Variants in MICU3 observed in about 807,000 individuals in gnomAD.
MICU3 encodes calcium uptake protein 3, mitochondrial.
MICU3 carries 62 observed loss-of-function variants against 66.5 expected under a neutral mutation model. The observed-to-expected ratio is 0.93, with a 90% CI of 0.76 to 1.15. The LOEUF is 1.15. Among genes scored for constraint, MICU3 ranks in the 50% most tolerant of loss-of-function variants. MICU3 has a pLI of 0.00. For synonymous variants in MICU3, 308 were observed against 240.7 expected (o/e 1.28, Z -2.59); for missense variants, 779 against 664.4 (o/e 1.17, Z -1.90).
chr8:17,118,910 G>A (rs1357095000), intron 14 of MICU3, 135 bp downstream of exon 14: 1 of 526,598 alleles, frequency 1.9e-6, no homozygotes, highest in South Asian at 4.2e-5. Context: ...AGTCATTAGA[G>A]TATCTTGATT....
chr8:17,128,620 C>T, the MICU3 span, among the ~76,000 whole-genome samples: 1 of 152,146 alleles, frequency 6.6e-6, no homozygotes, highest in Non-Finnish European at 1.5e-5. Flanking sequence ...CTACCATAAA[C>T]AACTACGACA....
the MICU3 span, chr8:17,133,054 C>T: frequency 6.6e-6 from 1 of 152,164 alleles, no homozygotes; most frequent in South Asian, 2.1e-4. Flanking sequence ...TCTGGGACTT[C>T]CCAGCATCTA....
At chr8:17,049,234 G>A (rs1375883889) in intron 1 of MICU3, among the ~76,000 whole-genome samples, 3 of 152,172 alleles carry the variant, frequency 2.0e-5, no homozygotes, top group African/African-American at 7.2e-5. Context: ...CGAGGGAAGG[G>A]TGGTAGAGCA....
At chr8:17,104,639 A>C in intron 10 of MICU3, 148 bp downstream of exon 10, 1 of 411,604 alleles carries the variant, frequency 2.4e-6, no homozygotes, top group East Asian at 3.6e-5. Context: ...CACATTTATC[A>C]GTACCTACAT....
chr8:17,050,254 T>A (rs893253354), intron 1 of MICU3, among the ~76,000 whole-genome samples: 1 of 152,118 alleles, frequency 6.6e-6, no homozygotes, highest in Non-Finnish European at 1.5e-5. Context: ...ACAAGTGCTG[T>A]ATCCCTGAAC....
intron 9 of MICU3, among the ~76,000 whole-genome samples, chr8:17,104,165 T>G (rs1801521921): frequency 6.6e-6 from 1 of 151,920 alleles, no homozygotes; most frequent in Admixed American, 6.6e-5. Context: ...CTTCAAAAAT[T>G]TTTGAGTACA....
In MICU3 at chr8:17,045,453, T is replaced by A. The variant is rs1455593012; in HGVS notation, c.381+17793T>A. Among the ~76,000 whole-genome samples, 7 of 152,164 alleles carry A rather than the reference T, an allele frequency of 4.6e-5. No individual in the cohort carries two copies. The East Asian group carries it at 1.4e-3, about 29-fold the overall frequency. On this transcript the variant is annotated intron_variant, in intron 1 of 14. Coordinates refer to ENST00000318063, the MANE Select transcript of MICU3 (RefSeq NM_181723.3). ...TCATATCTTTTTTATCCAGTCACATTTCAACATGGTTTTCCATGTTTTAGT... is the reference window on the plus strand; with the variant it reads ...TCATATCTTTTTTATCCAGTCACATATCAACATGGTTTTCCATGTTTTAGT...
chr8:17,040,084 T>A (rs555166893), intron 1 of MICU3, among the ~76,000 whole-genome samples: 1 of 152,090 alleles, frequency 6.6e-6, no homozygotes, highest in Non-Finnish European at 1.5e-5. Flanking sequence ...ATTTTTGTAT[T>A]TTTAGTAGAG....
chr8:17,037,132 C>T (rs937649272), intron 1 of MICU3, among the ~76,000 whole-genome samples: 5 of 152,202 alleles, frequency 3.3e-5, no homozygotes, highest in East Asian at 1.9e-4. Context: ...GCCAAGCCCA[C>T]GCCCACCTGG....
At chr8:17,097,201 T>A (rs920785467) in intron 8 of MICU3, among the ~76,000 whole-genome samples, 3 of 151,778 alleles carry the variant, frequency 2.0e-5, no homozygotes, top group Non-Finnish European at 4.4e-5. Flanking sequence ...TATTTTCAGA[T>A]CAATCATTTG....
chr8:17,117,381 T>C (rs1425545787), intron 13 of MICU3, among the ~76,000 whole-genome samples: 1 of 152,186 alleles, frequency 6.6e-6, no homozygotes, highest in Non-Finnish European at 1.5e-5. Context: ...GTTAAAAATT[T>C]TTTTATCGAA....
Position 17,114,129 on chromosome 8 carries a change from T to C in MICU3, c.1294T>C (p.Phe432Leu). The C allele has an allele frequency of 6.2e-7, 1 of 1,612,674 alleles. No homozygotes were observed. The highest frequency in any genetic ancestry group is 2.2e-5 in the East Asian group (1 of 44,806). The change falls in exon 12 of 15, where the codon TTT becomes CTT. Residue 432 changes from phenylalanine (F) to leucine (L), a missense_variant. Phe to Leu is a conservative substitution (Grantham distance 22, BLOSUM62 0). Coordinates refer to ENST00000318063, the MANE Select transcript of MICU3 (RefSeq NM_181723.3). ...TFDEFRSFFQ[F>L]LNNLEDFAIA... ...TGATGAATTCAGGTCATTTTTCCAGTTTTTAAACAACCTAGAAGACTTTGC... is the reference window on the plus strand; with the variant it reads ...TGATGAATTCAGGTCATTTTTCCAGCTTTTAAACAACCTAGAAGACTTTGC...
At chr8:17,087,933 T>G (rs1318881767) in intron 7 of MICU3, among the ~76,000 whole-genome samples, 3 of 152,062 alleles carry the variant, frequency 2.0e-5, no homozygotes, top group Admixed American at 2.0e-4. Flanking sequence ...TTGATGGCCC[T>G]GTGCAGTAGT....
chr8:17,039,076 C>T (rs1166911854), intron 1 of MICU3, among the ~76,000 whole-genome samples: 1 of 152,160 alleles, frequency 6.6e-6, no homozygotes, highest in Non-Finnish European at 1.5e-5. Context: ...CAAGACCCTT[C>T]AGCATCAAAA....
intron 2 of MICU3, among the ~76,000 whole-genome samples, chr8:17,068,152 G>C (rs766532186): frequency 8.6e-5 from 13 of 152,022 alleles, no homozygotes; most frequent in Non-Finnish European, 1.6e-4. Flanking sequence ...CACTAGAATT[G>C]AAGTCCTTCT....
chr8:17,058,010 G>A (rs946967598), intron 1 of MICU3, among the ~76,000 whole-genome samples: 2 of 152,002 alleles, frequency 1.3e-5, no homozygotes, highest in African/African-American at 4.8e-5. Flanking sequence ...ACCACACCTG[G>A]CTAATTTTTC....
intron 12 of MICU3, 68 bp from the exon 13 acceptor site, chr8:17,116,375 T>G: frequency 9.5e-7 from 1 of 1,054,428 alleles, no homozygotes; most frequent in African/African-American, 1.7e-5. Flanking sequence ...TTTACAACCT[T>G]TCTAGTAATT....
chr8:17,084,108 CTG>C (rs1215500008), intron 5 of MICU3, among the ~76,000 whole-genome samples: 4 of 152,020 alleles, frequency 2.6e-5, no homozygotes, highest in African/African-American at 7.2e-5. Context: ...ACTAAGAAAA[CTG>C]TGAAAAGAGG....
chr8:17,109,018 G>A (rs372593315), intron 11 of MICU3, among the ~76,000 whole-genome samples: 5 of 151,978 alleles, frequency 3.3e-5, no homozygotes, highest in Admixed American at 1.3e-4. Flanking sequence ...CACATGGCTC[G>A]TTATGCTATT....
Sources: gnomAD v4.1 joint callset for allele counts (sites outside exome capture counted in the v4.1 genomes callset) on GRCh38, gnomAD v4.1.1 for gene constraint, MANE v1.5 for transcripts, NCBI Gene and HGNC (gene_info 2026-07-23, HGNC 2026-07-21) for gene names.